SYT12: variants seen among roughly 807,000 people sequenced by gnomAD.
SYT12 encodes the protein synaptotagmin-12.
A neutral mutation model predicts 39.5 loss-of-function variants in SYT12; 27 were observed. The observed-to-expected ratio is 0.68, with a 90% CI of 0.50 to 0.94. SYT12 has a LOEUF of 0.94. SYT12 is among the 40% of genes least tolerant of loss of function. The pLI, the probability that SYT12 is intolerant of heterozygous loss-of-function variation, is 0.00. For missense variants in SYT12, 536 were observed against 572.6 expected, an observed-to-expected ratio of 0.94 and a Z score of 0.65; for synonymous variants, 233 against 239.7, an observed-to-expected ratio of 0.97 and a Z score of 0.26.
At chr11:67,035,852 TTC>T (rs1295674952) in intron 3 of SYT12, among the ~76,000 whole-genome samples, 2 of 130,782 alleles carry the variant, frequency 1.5e-5, no homozygotes, top group African/African-American at 3.4e-5. Flanking sequence ...CTTTCTTTCT[TTC>T]TTTCTTTCTT....
At chr11:67,027,499 CAA>C (rs970216195) in intron 1 of SYT12, 623 of 32,124 alleles carry the variant, frequency 0.019, 5 homozygotes, top group African/African-American at 0.055. Context: ...GGCTCTGTCT[CAA>C]AAAAAAAAAA....
intron 6 of SYT12, among the ~76,000 whole-genome samples, chr11:67,044,971 C>T (rs747697768): frequency 6.6e-6 from 1 of 151,386 alleles, no homozygotes; most frequent in African/African-American, 2.4e-5. Context: ...CAGAGTGATG[C>T]GGGGGTCTCA....
chr11:67,030,364 T>C, intron 2 of SYT12, 186 bp downstream of exon 2: 1 of 581,288 alleles, frequency 1.7e-6, no homozygotes, highest in South Asian at 2.3e-5. Flanking sequence ...TGGCCCAGTC[T>C]GAGGTCTCCT....
Position 67,050,029 on chromosome 11 carries a change from A to G in SYT12, c.*1272A>G, listed in dbSNP as rs953785997. ...GATCAAGAAAGGGAGCTCAGGCTGG[A>G]TGGAGGAAGCCACGCAAGTGTGGCT... On this transcript the variant is annotated 3_prime_UTR_variant, in exon 8 of 8. Transcript: ENST00000527043. The G allele has an allele frequency of 1.3e-5, 2 of 151,952 alleles. No homozygotes were observed. The highest frequency in any genetic ancestry group is 2.9e-5 in the Non-Finnish European group (2 of 68,000). The allele number at this position is 151,952 out of a possible 1,614,324, so 9.4% of individuals were successfully genotyped here. A position where few individuals can be genotyped will look rare whatever the true frequency, so the allele number is the denominator to read the frequency against.
chr11:67,020,853 C>T (rs1018722235), upstream of SYT12, among the ~76,000 whole-genome samples: 2 of 152,136 alleles, frequency 1.3e-5, no homozygotes, highest in Non-Finnish European at 2.9e-5. Flanking sequence ...CTCAGCCTCC[C>T]GAGTAGCTGG....
intron 3 of SYT12, among the ~76,000 whole-genome samples, chr11:67,017,981 G>A (rs112296598): frequency 6.7e-6 from 1 of 149,776 alleles, no homozygotes; most frequent in African/African-American, 2.5e-5. Context: ...AATTTTAAAG[G>A]CCGGGCGCGG....
chr11:67,029,801 G>A lies in SYT12; in HGVS notation c.-23-321G>A, dbSNP rs575165374. On this transcript the variant is annotated intron_variant, in intron 1 of 7. Transcript: ENST00000527043. ...CCAGGGGCAGAGGCTGCAGTGAGCC[G>A]AGATCGCGCCACTGCACTCTAGCCT... 516 of 216,580 alleles carry A rather than the reference G, an allele frequency of 2.4e-3. 2 individuals are homozygous for A. Among genetic ancestry groups the A allele is most frequent in the Non-Finnish European group, 4.0e-3 (436 of 109,470 alleles). 13.4% of individuals were successfully genotyped at this position (216,580 alleles called of 1,614,324 possible). A position where few individuals can be genotyped will look rare whatever the true frequency, so the allele number is the denominator to read the frequency against.
At chr11:67,041,561 T>C (rs1168698377) in intron 4 of SYT12, among the ~76,000 whole-genome samples, 1 of 152,130 alleles carries the variant, frequency 6.6e-6, no homozygotes, top group Non-Finnish European at 1.5e-5. Context: ...GCCTCAGGGA[T>C]GGCATGGTAC....
upstream of SYT12, among the ~76,000 whole-genome samples, chr11:67,018,997 T>A (rs1433538933): frequency 6.6e-6 from 1 of 152,150 alleles, no homozygotes; most frequent in Non-Finnish European, 1.5e-5. Flanking sequence ...TTCATCGATT[T>A]TCATGCTGCT....
intron 1 of SYT12, chr11:67,028,227 G>T (rs529554510): frequency 6.6e-6 from 1 of 152,180 alleles, no homozygotes; most frequent in Admixed American, 6.5e-5. Flanking sequence ...TTAGAATGGC[G>T]CTTGATGTGT....
intron 7 of SYT12, among the ~76,000 whole-genome samples, chr11:67,046,569 C>T (rs1308731039): frequency 6.6e-6 from 1 of 152,240 alleles, no homozygotes; most frequent in African/African-American, 2.4e-5. Flanking sequence ...CATGTAAAGG[C>T]CCAGAATCTG....
At position 67,023,339 on chromosome 11, in the gene SYT12, G is replaced by T. The variant is rs1446610184; in HGVS notation, c.-145G>T. The T allele has an allele frequency of 6.8e-6, 1 of 147,814 alleles. No individual in the cohort carries two copies. The highest frequency in any genetic ancestry group is 2.0e-4 in the East Asian group (1 of 5,028). 9.2% of individuals were successfully genotyped at this position (147,814 alleles called of 1,614,324 possible). A position where few individuals can be genotyped will look rare whatever the true frequency, so the allele number is the denominator to read the frequency against. ...CCGCGCTCCTCGGAGGCGGGAGCCC[G>T]GCGACACTGCAGGGGTGGCGTTGCC... On this transcript the variant is annotated 5_prime_UTR_variant, in exon 1 of 8. Coordinates refer to ENST00000527043, the MANE Select transcript of SYT12 (RefSeq NM_177963.4).
rs1198878471 is a variant in SYT12 at position 67,044,629 on chromosome 11, A to T, written c.874A>T (p.Ser292Cys). The T allele has an allele frequency of 6.2e-7, 1 of 1,613,322 alleles. No individual in the cohort carries two copies. Among genetic ancestry groups the T allele is most frequent in the Admixed American group, 1.7e-5 (1 of 59,996 alleles). Residue 292 changes from serine to cysteine, a missense_variant, in exon 6 of 8, where the codon AGC becomes TGC. Transcript: ENST00000527043. ...TGTGGGGGAGATCCTGCTCTCCCTC[A>T]GCTACCTCCCCACAGCCGAGCGCCT... ...DAVGEILLSL[S>C]YLPTAERLTV...
upstream of SYT12, among the ~76,000 whole-genome samples, chr11:67,022,259 C>A (rs541652528): frequency 3.9e-5 from 6 of 152,256 alleles, no homozygotes; most frequent in African/African-American, 9.6e-5. Flanking sequence ...CTCTAAAGGC[C>A]CAGAGTGTAG....
At chr11:67,039,713 T>G (rs768767262) in intron 3 of SYT12, 98 bp from the exon 4 acceptor site, 2 of 1,416,828 alleles carry the variant, frequency 1.4e-6, no homozygotes, top group Non-Finnish European at 9.4e-7. Flanking sequence ...AACTTGGAGA[T>G]TCGAGAATGA....
chr11:67,036,317 A>G (rs778304730), intron 3 of SYT12, among the ~76,000 whole-genome samples: 2 of 152,158 alleles, frequency 1.3e-5, no homozygotes, highest in Non-Finnish European at 2.9e-5. Context: ...TTTTTTGTAC[A>G]TGTGCCATGA....
intron 7 of SYT12, among the ~76,000 whole-genome samples, chr11:67,046,881 A>G (rs1203859094): frequency 6.6e-6 from 1 of 152,112 alleles, no homozygotes; most frequent in African/African-American, 2.4e-5. Context: ...TAGCAACGCA[A>G]CCTCTAGCAT....
intron 6 of SYT12, among the ~76,000 whole-genome samples, chr11:67,045,415 G>A (rs1950598213): frequency 6.6e-6 from 1 of 152,162 alleles, no homozygotes; most frequent in Non-Finnish European, 1.5e-5. Context: ...CGGGTGCCCG[G>A]TGACTCAGGG....
chr11:67,045,331 G>A (rs192122969), intron 6 of SYT12, among the ~76,000 whole-genome samples: 1 of 152,252 alleles, frequency 6.6e-6, no homozygotes, highest in East Asian at 1.9e-4. Context: ...AGGACACCCC[G>A]TGGGCAATAG....
Sources: allele counts gnomAD v4.1 joint callset (sites outside exome capture counted in the v4.1 genomes callset), GRCh38; gene constraint gnomAD v4.1.1; transcripts MANE v1.5; gene names NCBI Gene and HGNC (gene_info 2026-07-23, HGNC 2026-07-21).